Variants in ARHGAP33 observed in about 807,000 individuals in gnomAD.
ARHGAP33 encodes the protein rho GTPase-activating protein 33.
Under a neutral mutation model 126.2 loss-of-function variants are expected in ARHGAP33, and 57 were observed. That is an observed-to-expected ratio of 0.45 (90% confidence interval 0.36 to 0.56). The LOEUF (loss-of-function observed/expected upper bound fraction) is 0.56, where lower values mean the gene tolerates loss of function less well. Among genes scored for constraint, ARHGAP33 ranks in the 20% least tolerant of loss-of-function variants. The probability of loss-of-function intolerance (pLI) is 0.00; values close to 1 mark genes in which losing one functional copy is unlikely to be tolerated. For synonymous variants in ARHGAP33, 711 were observed against 755.0 expected, an observed-to-expected ratio of 0.94 and a Z score of 0.95; for missense variants, 1,500 against 1,748.3, an observed-to-expected ratio of 0.86 and a Z score of 2.53.
rs927705987 is a variant in ARHGAP33, at chr19:35,782,536, G to A, written c.1230+19G>A. The A allele has an allele frequency of 9.3e-6, 15 of 1,613,066 alleles. No homozygotes were observed. Among genetic ancestry groups the A allele is most frequent in the Admixed American group, 3.3e-5 (2 of 59,940 alleles). ...GTTCAGTGTGAGTAAGGGAGCTGGC[G>A]GGACGGAGGGGGCCGGGACGCCTCT... On this transcript the variant is annotated intron_variant, in intron 13 of 20. Coordinates refer to ENST00000007510, the MANE Select transcript of ARHGAP33 (RefSeq NM_001366178.1). This position sits in a 1 kb window ranked among gnomAD's most constrained non-coding sequence, Gnocchi z 4.1.
At chr19:35,780,551 T>C in intron 8 of ARHGAP33, 31 bp from the exon 9 acceptor site, 1 of 1,612,990 alleles carries the variant, frequency 6.2e-7, no homozygotes, top group South Asian at 1.1e-5. Context: ...CCAACTGGGG[T>C]GGCCCAGCTA....
rs764054160 is a variant in ARHGAP33, at chr19:35,786,559, G to T, written c.2089G>T (p.Glu697Ter). 24 of 1,535,978 alleles carry T rather than the reference G, an allele frequency of 1.6e-5. No individual in the cohort carries two copies. Among genetic ancestry groups the T allele is most frequent in the Admixed American group, 7.8e-5 (4 of 50,960 alleles). ...CTCTGAGTCCTCCTCTTCCTCCTCT[G>T]AGTCCTCAGCAGCTGGGCTGGGGGC... ...SSSESSSSSS[E>*]SSAAGLGALS... Residue 697 changes from glutamate to a stop codon, truncating the protein, a stop_gained, in exon 20 of 21, where the codon GAG becomes TAG. Coordinates refer to ENST00000007510, the MANE Select transcript of ARHGAP33 (RefSeq NM_001366178.1). LOFTEE classifies it high-confidence loss of function. The surrounding 1 kb of genome is among the most constrained non-coding windows in gnomAD (Gnocchi z 7.0).
At position 35,782,290 on chromosome 19, in the gene ARHGAP33, G is replaced by C; in HGVS notation, c.1086-83G>C. The C allele has an allele frequency of 6.6e-7, 1 of 1,509,864 alleles. No homozygotes were observed. The highest frequency in any genetic ancestry group is 1.4e-5 in the African/African-American group (1 of 72,908). 93.5% of individuals were successfully genotyped at this position (1,509,864 alleles called of 1,614,324 possible). A position where few individuals can be genotyped will look rare whatever the true frequency, so the allele number is the denominator to read the frequency against. On this transcript the variant is annotated intron_variant, in intron 12 of 20. Coordinates refer to ENST00000007510, the MANE Select transcript of ARHGAP33 (RefSeq NM_001366178.1). The surrounding 1 kb of genome is among the most constrained non-coding windows in gnomAD (Gnocchi z 4.1). ...GGGTTCCATCCACCTGCGGGCACTT[G>C]GGGGTAGGGGCAAGGGGAGCATGGC...
Position 35,782,308 on chromosome 19 carries a change from A to C in ARHGAP33, c.1086-65A>C, listed in dbSNP as rs80303896. ...GGCACTTGGGGGTAGGGGCAAGGGG[A>C]GCATGGCCACGTGAGCGAGCCCCTC... On this transcript the variant is annotated intron_variant, in intron 12 of 20. Coordinates refer to ENST00000007510, the MANE Select transcript of ARHGAP33 (RefSeq NM_001366178.1). This position sits in a 1 kb window ranked among gnomAD's most constrained non-coding sequence, Gnocchi z 4.1. 79,004 of 1,553,480 alleles carry C rather than the reference A, an allele frequency of 0.051. 2,825 individuals are homozygous for C. Among genetic ancestry groups the C allele is most frequent in the East Asian group, 0.19 (8,450 of 44,084 alleles).
At chr19:35,778,168 C>T (rs964591303) in intron 3 of ARHGAP33, 112 bp from the exon 4 acceptor site, 16 of 1,133,622 alleles carry the variant, frequency 1.4e-5, no homozygotes, top group Admixed American at 2.0e-5. Context: ...TCACCAGGCC[C>T]TGTCCTCGGG....
intron 16 of ARHGAP33, 82 bp downstream of exon 16, chr19:35,784,399 C>G: frequency 6.9e-7 from 1 of 1,451,172 alleles, no homozygotes; most frequent in Non-Finnish European, 9.1e-7. Flanking sequence ...GGCTCCCAGT[C>G]CCGTCCCCAC....
intron 3 of ARHGAP33, 140 bp from the exon 4 acceptor site, chr19:35,778,140 A>G (rs1971555318): frequency 2.2e-6 from 2 of 915,552 alleles, no homozygotes. Context: ...TATCTGCTCT[A>G]TGTCAGGGAC....
At position 35,781,253 on chromosome 19, in the gene ARHGAP33, G is replaced by A. The variant is rs2146706892; in HGVS notation, c.1085+1G>A. 1 of 1,614,156 alleles carries A rather than the reference G, an allele frequency of 6.2e-7. No individual in the cohort carries two copies. Among genetic ancestry groups the A allele is most frequent in the East Asian group, 2.2e-5 (1 of 44,878 alleles). ...TGTCTTCCAACATCCAGAGGCTTCG[G>A]TGAGGGCCCTTAGCCAACCCTGTCC... is the stretch of plus-strand genomic sequence containing the variant. On this transcript the variant is annotated splice_donor_variant, in intron 12 of 20. Coordinates refer to ENST00000007510, the MANE Select transcript of ARHGAP33 (RefSeq NM_001366178.1). LOFTEE classifies it high-confidence loss of function.
rs1972032022 is a variant in ARHGAP33 at position 35,785,035 on chromosome 19, A to G, written c.1650A>G (p.Ala550=). The G allele has an allele frequency of 6.4e-7, 1 of 1,552,444 alleles. No homozygotes were observed. Among genetic ancestry groups the G allele is most frequent in the African/African-American group, 1.4e-5 (1 of 73,344 alleles). The change falls in exon 17 of 21, where the codon GCA becomes GCG. Residue 550 remains alanine (A), a synonymous_variant. Transcript: ENST00000007510. ...TGCTGACGCTGGAGGAAGCCCAGGC[A>G]CGCACCCAGGGCCGGCTGGGGACGC... ...TRLLTLEEAQ[A]RTQGRLGTPT... is the part of the protein sequence containing the mutation.
At position 35,787,225 on chromosome 19, in the gene ARHGAP33, G is replaced by A; in HGVS notation, c.2660G>A (p.Gly887Asp). 6.2e-7 allele frequency: 1 copy of A among 1,610,508 alleles called. No individual in the cohort carries two copies. The highest frequency in any genetic ancestry group is 8.5e-7 in the Non-Finnish European group (1 of 1,178,714). ...PPPLSLLRPG[G>D]APPPPPKNPA... The stretch of plus-strand genomic sequence containing the variant: ...CCCCTGTCTCTCCTGCGCCCTGGGG[G>A]TGCCCCACCCCCGCCCCCTAAGAAC... Residue 887 changes from glycine to aspartate, a missense_variant, in exon 21 of 21, where the codon GGT (glycine) becomes GAT (aspartate). Gly to Asp is a moderately conservative substitution (Grantham distance 94). Transcript: ENST00000007510.
Position 35,784,436 on chromosome 19 carries a change from C to G in ARHGAP33, c.1567+119C>G, listed in dbSNP as rs925334257. On this transcript the variant is annotated intron_variant, in intron 16 of 20. Coordinates refer to ENST00000007510, the MANE Select transcript of ARHGAP33 (RefSeq NM_001366178.1). ...CCACTGAAGCTGGGCCTCCCTCCGG[C>G]TCCTTGAGGATCCCGCCCCGGCCTC... The G allele has an allele frequency of 3.5e-6, 5 of 1,428,882 alleles. No individual in the cohort carries two copies. In the African/African-American group the frequency reaches 7.4e-5, roughly 21 times the overall value. 88.5% of individuals were successfully genotyped at this position (1,428,882 alleles called of 1,614,324 possible). A position where few individuals can be genotyped will look rare whatever the true frequency, so the allele number is the denominator to read the frequency against.
At position 35,785,392 on chromosome 19, in the gene ARHGAP33, C is replaced by T; in HGVS notation, c.1868-17C>T. 1 of 1,614,166 alleles carries T rather than the reference C, an allele frequency of 6.2e-7. No individual in the cohort carries two copies. Among genetic ancestry groups the T allele is most frequent in the South Asian group, 1.1e-5 (1 of 91,078 alleles). ...GATGGTCGCTGGAGTGCCCTCCTAC[C>T]TCTCCCTCTCCTGCAGGCAGCAGAC... On this transcript the variant is annotated splice_polypyrimidine_tract_variant and intron_variant, in intron 18 of 20. Coordinates refer to ENST00000007510, the MANE Select transcript of ARHGAP33 (RefSeq NM_001366178.1).
In ARHGAP33 at chr19:35,780,844, G is replaced by A. The variant is rs773032356; in HGVS notation, c.829+28G>A. On this transcript the variant is annotated intron_variant, in intron 10 of 20. Coordinates refer to ENST00000007510, the MANE Select transcript of ARHGAP33 (RefSeq NM_001366178.1). ...AATAGAAATAGGCGGTCAGGTCCCA[G>A]CCCCTACCCCACCAGGCCCCTGGCC... The A allele has an allele frequency of 6.2e-6, 10 of 1,613,624 alleles. No individual in the cohort carries two copies. In the South Asian group the frequency reaches 1.1e-4, roughly 18 times the overall value.
chr19:35,780,857 C>T, intron 10 of ARHGAP33, 41 bp downstream of exon 10: 2 of 1,613,320 alleles, frequency 1.2e-6, no homozygotes, highest in East Asian at 4.5e-5. Flanking sequence ...CCTACCCCAC[C>T]AGGCCCCTGG....
Position 35,780,640 on chromosome 19 carries a change from T to G in ARHGAP33, c.761T>G (p.Leu254Arg). ...ELFTERPGPG[L>R]KADADGPPCG... is the part of the protein sequence containing the mutation. Reference sequence around the variant, plus strand: ...TTCACAGAGCGGCCAGGTCCGGGCCTGAAGGCGGGTAAGTGCCATGGATGG... The same window carrying G: ...TTCACAGAGCGGCCAGGTCCGGGCCGGAAGGCGGGTAAGTGCCATGGATGG... The change falls in exon 9 of 21, where the codon CTG (leucine) becomes CGG (arginine). Residue 254 changes from leucine to arginine, a missense_variant. By Grantham distance (102) the Leu-to-Arg change is moderately radical (BLOSUM62 -2). Around this residue, in one of 6 missense-constraint regions of ARHGAP33, gnomAD observed 281 missense variants for 413.7 expected, o/e 0.68. Transcript: ENST00000007510. 1.3e-6 allele frequency: 2 copies of G among 1,591,368 alleles called. No homozygotes were observed. The highest frequency in any genetic ancestry group is 1.7e-6 in the Non-Finnish European group (2 of 1,176,096).
chr19:35,780,393 C>T, intron 7 of ARHGAP33, 28 bp from the exon 8 acceptor site: 3 of 1,604,624 alleles, frequency 1.9e-6, no homozygotes, highest in Non-Finnish European at 2.6e-6. Flanking sequence ...TCCTTCTGAC[C>T]CTTCTCTTCC....
At chr19:35,783,957 T>C (rs1971947218) in intron 15 of ARHGAP33, among the ~76,000 whole-genome samples, 1 of 145,644 alleles carries the variant, frequency 6.9e-6, no homozygotes, top group African/African-American at 2.6e-5. Context: ...AACCCCAAGG[T>C]GTTTGGCCAG....
intron 16 of ARHGAP33, chr19:35,784,560 T>A: frequency 1.5e-6 from 2 of 1,309,058 alleles, no homozygotes; most frequent in East Asian, 6.3e-5. Context: ...TTGTAGCTCC[T>A]GGGGGCGCTT....
chr19:35,778,721 A>G lies in ARHGAP33; in HGVS notation c.408+120A>G, dbSNP rs763880029. On this transcript the variant is annotated intron_variant, in intron 5 of 20. Transcript: ENST00000007510. ...ACTGGTATGGCCCAAGTCCCAACCAATCTGAATGAATGGAGAAGCCTTAGA... is the reference window on the plus strand; with the variant it reads ...ACTGGTATGGCCCAAGTCCCAACCAGTCTGAATGAATGGAGAAGCCTTAGA... 23 of 1,323,346 alleles carry G rather than the reference A, an allele frequency of 1.7e-5. 1 individual carries two copies. The African/African-American group carries it at 3.0e-4, about 17-fold the overall frequency. The allele number at this position is 1,323,346 out of a possible 1,614,324, so 82.0% of individuals were successfully genotyped here. A position where few individuals can be genotyped will look rare whatever the true frequency, so the allele number is the denominator to read the frequency against.
Sources: allele counts gnomAD v4.1 joint callset (sites outside exome capture counted in the v4.1 genomes callset), GRCh38; gene constraint gnomAD v4.1.1; regional missense constraint gnomAD v4.1.1; non-coding constraint Gnocchi (gnomAD v3.1); transcripts MANE v1.5; gene names NCBI Gene and HGNC (gene_info 2026-07-23, HGNC 2026-07-21).